Variants in PVT1 observed in about 807,000 individuals in gnomAD.
PVT1 encodes the protein Pvt1 oncogene.
At chr8:127,851,618 G>C (rs1403604449) in intron 2 of PVT1, among the ~76,000 whole-genome samples, 1 of 152,172 alleles carries the variant, frequency 6.6e-6, no homozygotes, top group Admixed American at 6.5e-5. Context: ...CAGAGACTGA[G>C]TCACTGCAGG....
At chr8:127,832,894 G>C (rs552374002) in intron 2 of PVT1, among the ~76,000 whole-genome samples, 1 of 152,024 alleles carries the variant, frequency 6.6e-6, no homozygotes, top group Non-Finnish European at 1.5e-5. Flanking sequence ...AATTGGATAA[G>C]GTAAATAGAA....
At chr8:127,977,392 C>T (rs558704426) in intron 3 of PVT1, among the ~76,000 whole-genome samples, 1 of 152,300 alleles carries the variant, frequency 6.6e-6, no homozygotes, top group Admixed American at 6.5e-5. Context: ...CCATCTGCTG[C>T]AGGAGATACC....
intron 4 of PVT1, among the ~76,000 whole-genome samples, chr8:128,053,175 G>T (rs762992657): frequency 1.3e-5 from 2 of 152,164 alleles, no homozygotes; most frequent in Non-Finnish European, 2.9e-5. Flanking sequence ...TGAGATCTGA[G>T]CTCACTCATC....
chr8:128,004,049 C>T (rs1228082029), intron 4 of PVT1, among the ~76,000 whole-genome samples: 1 of 152,124 alleles, frequency 6.6e-6, no homozygotes, highest in Non-Finnish European at 1.5e-5. Flanking sequence ...CTTATAAGGA[C>T]ACATATCCTT....
chr8:127,951,252 T>C (rs1172935628), intron 3 of PVT1, among the ~76,000 whole-genome samples: 2 of 152,164 alleles, frequency 1.3e-5, no homozygotes, highest in Non-Finnish European at 2.9e-5. Context: ...AGGACCCTCC[T>C]GGGAAACTTT....
At chr8:127,844,343 A>G in intron 2 of PVT1, among the ~76,000 whole-genome samples, 1 of 152,184 alleles carries the variant, frequency 6.6e-6, no homozygotes, top group East Asian at 1.9e-4. Flanking sequence ...AGTGTGAAGC[A>G]GTGGGCAGAG....
At chr8:127,817,284 A>G (rs1252381399) in intron 2 of PVT1, among the ~76,000 whole-genome samples, 2 of 151,002 alleles carry the variant, frequency 1.3e-5, no homozygotes, top group Non-Finnish European at 2.9e-5. Context: ...TTTATTACTT[A>G]GTTCATTATG....
At chr8:127,818,256 C>G (rs576480554) in intron 2 of PVT1, among the ~76,000 whole-genome samples, 127 of 152,268 alleles carry the variant, frequency 8.3e-4, no homozygotes, top group African/African-American at 3.0e-3. Context: ...TTGGATACCC[C>G]CCTGCCAAGA....
intron 4 of PVT1, among the ~76,000 whole-genome samples, chr8:128,042,926 G>C (rs565653038): frequency 2.0e-5 from 3 of 152,016 alleles, no homozygotes; most frequent in Admixed American, 1.3e-4. Context: ...ACCACACCTG[G>C]CTAATTTTTG....
chr8:127,910,748 C>T (rs554589175), intron 3 of PVT1, among the ~76,000 whole-genome samples: 3 of 152,100 alleles, frequency 2.0e-5, no homozygotes, highest in Non-Finnish European at 4.4e-5. Context: ...ATTTTACAAA[C>T]AAGAAAACTG....
chr8:127,884,752 C>T (rs1586421375), intron 2 of PVT1, among the ~76,000 whole-genome samples: 1 of 152,368 alleles, frequency 6.6e-6, no homozygotes, highest in East Asian at 1.9e-4. Flanking sequence ...ATTATGATTT[C>T]ATGATACGGG....
intron 4 of PVT1, among the ~76,000 whole-genome samples, chr8:127,991,698 A>G (rs1431621227): frequency 2.0e-5 from 3 of 152,184 alleles, no homozygotes; most frequent in African/African-American, 7.2e-5. Context: ...AGAAAGACAG[A>G]GCAGGGGCAA....
At chr8:128,042,444 A>C (rs771881065) in intron 4 of PVT1, among the ~76,000 whole-genome samples, 8 of 152,220 alleles carry the variant, frequency 5.3e-5, no homozygotes, top group Admixed American at 1.3e-4. Context: ...TTGGACCATC[A>C]TACAGTATAA....
intron 4 of PVT1, among the ~76,000 whole-genome samples, chr8:127,997,303 A>C (rs973768406): frequency 2.0e-5 from 3 of 151,762 alleles, no homozygotes; most frequent in Non-Finnish European, 2.9e-5. Context: ...AGCCTCCCAA[A>C]GTGCTGGGAT....
chr8:127,814,901 T>C (rs1433338214), intron 2 of PVT1, among the ~76,000 whole-genome samples: 1 of 152,194 alleles, frequency 6.6e-6, no homozygotes, highest in Non-Finnish European at 1.5e-5. Context: ...TAAGCATCCG[T>C]ATAGGTGGAA....
At chr8:127,941,365 C>T (rs1816347240) in intron 3 of PVT1, among the ~76,000 whole-genome samples, 1 of 152,190 alleles carries the variant, frequency 6.6e-6, no homozygotes, top group African/African-American at 2.4e-5. Context: ...AACATATTCA[C>T]AGGTTCCAGG....
At chr8:127,841,093 T>G (rs2129715310) in intron 2 of PVT1, among the ~76,000 whole-genome samples, 1 of 152,310 alleles carries the variant, frequency 6.6e-6, no homozygotes, top group South Asian at 2.1e-4. Context: ...TCCTCAGTCC[T>G]GTAAAATGGG....
chr8:127,927,303 C>A (rs886320662), intron 3 of PVT1, among the ~76,000 whole-genome samples: 1 of 152,218 alleles, frequency 6.6e-6, no homozygotes, highest in African/African-American at 2.4e-5. Flanking sequence ...CAGAAGGAGT[C>A]CTGGGCTCCC....
At chr8:127,844,776 C>T (rs185320186) in intron 2 of PVT1, among the ~76,000 whole-genome samples, 388 of 152,054 alleles carry the variant, frequency 2.6e-3, no homozygotes, top group Admixed American at 4.1e-3. Flanking sequence ...TGCAGTGGCA[C>T]GATCTCGGCT....
Sources: gnomAD v4.1 joint callset for allele counts (sites outside exome capture counted in the v4.1 genomes callset) on GRCh38, gnomAD v4.1.1 for gene constraint, MANE v1.5 for transcripts, NCBI Gene and HGNC (gene_info 2026-07-23, HGNC 2026-07-21) for gene names.